The following CSE1L variants were observed in gnomAD, a reference collection of about 807,000 sequenced individuals.
The protein encoded by CSE1L is chromosome segregation 1 like, also known as exportin-2.
Under a neutral mutation model 120.4 loss-of-function variants are expected in CSE1L, and 24 were observed. The ratio of observed to expected loss-of-function variants is 0.20; its 90% confidence interval spans 0.14 to 0.28. The LOEUF (loss-of-function observed/expected upper bound fraction) is 0.28. Among genes scored for constraint, CSE1L ranks in the 10% least tolerant of loss-of-function variants. CSE1L has a pLI of 1.00. For missense variants in CSE1L, 830 were observed against 1,145.2 expected (o/e 0.72, Z 3.97); for synonymous variants, 402 against 398.3 (o/e 1.01, Z -0.11).
intron 16 of CSE1L, among the ~76,000 whole-genome samples, chr20:49,086,671 T>A (rs779338801): frequency 7.9e-5 from 12 of 152,068 alleles, no homozygotes; most frequent in Non-Finnish European, 1.5e-4. Context: ...AGCCTTAATG[T>A]CCATTTCTAT....
intron 1 of CSE1L, among the ~76,000 whole-genome samples, chr20:49,047,211 C>CT (rs890772401): frequency 6.6e-6 from 1 of 152,118 alleles, no homozygotes; most frequent in Non-Finnish European, 1.5e-5. Context: ...GTCACCTCAT[C>CT]TCACTGAGCC....
At position 49,046,344 on chromosome 20, in the gene CSE1L, G is replaced by A. The variant is rs117725610; in HGVS notation, c.-91G>A. 2,263 of 152,634 alleles carry A rather than the reference G, an allele frequency of 0.015. 22 individuals are homozygous for A. Among genetic ancestry groups the A allele is most frequent in the Middle Eastern group, 0.058 (17 of 294 alleles). 9.5% of individuals were successfully genotyped at this position (152,634 alleles called of 1,614,324 possible). Reference sequence around the variant, plus strand: ...CATTTTGCCGGGGTTTGAATGTGAGGCGGAGCGGCGGCAGGAGCGGGTAGT... The same window carrying A: ...CATTTTGCCGGGGTTTGAATGTGAGACGGAGCGGCGGCAGGAGCGGGTAGT... On this transcript the variant is annotated 5_prime_UTR_variant, in exon 1 of 25. Transcript: ENST00000262982.
chr20:49,048,105 A>G (rs1352422463), intron 1 of CSE1L, among the ~76,000 whole-genome samples: 1 of 150,100 alleles, frequency 6.7e-6, no homozygotes, highest in Non-Finnish European at 1.5e-5. Flanking sequence ...CCTTGGGCCC[A>G]CATAGTCATA....
chr20:49,095,326 TTTTA>T (rs1245609965), intron 24 of CSE1L, among the ~76,000 whole-genome samples: 6 of 151,940 alleles, frequency 3.9e-5, no homozygotes, highest in Admixed American at 6.6e-5. Context: ...TTATTTTTAT[TTTTA>T]TTTATTTATT....
At chr20:49,075,612 T>TA in intron 12 of CSE1L, 92 bp downstream of exon 12, 1 of 968,494 alleles carries the variant, frequency 1.0e-6, no homozygotes, top group African/African-American at 1.6e-5. Flanking sequence ...TAATAGAGCT[T>TA]ACTCTGCCAG....
At chr20:49,065,496 A>G (rs930622967) in intron 3 of CSE1L, among the ~76,000 whole-genome samples, 1 of 141,178 alleles carries the variant, frequency 7.1e-6, no homozygotes, top group South Asian at 2.2e-4. Flanking sequence ...CTAATTTTGT[A>G]TTTTTAGTAG....
intron 11 of CSE1L, 25 bp downstream of exon 11, chr20:49,074,875 C>A (rs370374217): frequency 1.1e-4 from 181 of 1,583,882 alleles, no homozygotes; most frequent in Non-Finnish European, 1.5e-4. Flanking sequence ...TTTTTAGTTA[C>A]TAGTCTCTTA....
chr20:49,081,461 T>C (rs2092012568), intron 14 of CSE1L, among the ~76,000 whole-genome samples: 5 of 152,214 alleles, frequency 3.3e-5, no homozygotes, highest in African/African-American at 1.2e-4. Context: ...ATTGCATTAC[T>C]TTTAAAAAAT....
At position 49,065,586 on chromosome 20, in the gene CSE1L, A is replaced by ATTTTTTTTTTTTTTTTTTTTTTT. The variant is rs1169151375; in HGVS notation, c.229-602_229-580dup. 2.6e-5 allele frequency among the ~76,000 whole-genome samples: 2 copies of ATTTTTTTTTTTTTTTTTTTTTTT among 76,322 alleles called. 1 individual carries two copies. 50.1% of individuals were successfully genotyped at this position (76,322 alleles called of 152,430 possible). On this transcript the variant is annotated intron_variant, in intron 3 of 24. Coordinates refer to ENST00000262982, the MANE Select transcript of CSE1L (RefSeq NM_001316.4). ...CCATCGCACCTGGCCTAAAATGGAA[A>ATTTTTTTTTTTTTTTTTTTTTTT]TTTTTTTTTTTTTTTTTTTTTTTTT...
At chr20:49,070,356 A>G in intron 8 of CSE1L, 59 bp downstream of exon 8, 4 of 799,728 alleles carry the variant, frequency 5.0e-6, no homozygotes, top group Non-Finnish European at 6.3e-6. Context: ...TTATTTGGCT[A>G]CAGTCTGGAA....
chr20:49,047,070 CGGGTTGGGGGA>C (rs1213082835), intron 1 of CSE1L, among the ~76,000 whole-genome samples: 1 of 152,174 alleles, frequency 6.6e-6, no homozygotes, highest in Non-Finnish European at 1.5e-5. Context: ...CCCTGTAACG[CGGGTTGGGGGA>C]GGGTTCCCTC....
chr20:49,055,633 G>A (rs1242356803), intron 1 of CSE1L, among the ~76,000 whole-genome samples: 1 of 152,018 alleles, frequency 6.6e-6, no homozygotes, highest in Admixed American at 6.6e-5. Context: ...GGGAGGTTGG[G>A]GCTTGAGCCC....
At chr20:49,071,518 C>G (rs777431571) in intron 8 of CSE1L, among the ~76,000 whole-genome samples, 5 of 152,188 alleles carry the variant, frequency 3.3e-5, no homozygotes, top group Admixed American at 3.3e-4. Flanking sequence ...TTGTCTCACT[C>G]TGTCACCAAG....
At chr20:49,075,602 T>C (rs2091963533) in intron 12 of CSE1L, 82 bp downstream of exon 12, 3 of 1,054,880 alleles carry the variant, frequency 2.8e-6, no homozygotes, top group Admixed American at 2.1e-5. Context: ...ACGTCTCTGA[T>C]AATAGAGCTT....
chr20:49,059,954 G>A (rs2091839060), intron 2 of CSE1L, among the ~76,000 whole-genome samples: 1 of 152,098 alleles, frequency 6.6e-6, no homozygotes, highest in South Asian at 2.1e-4. Context: ...GGAGGCCAAG[G>A]CAGGAAGATC....
At chr20:49,080,611 G>A (rs1160640381) in intron 14 of CSE1L, among the ~76,000 whole-genome samples, 1 of 152,090 alleles carries the variant, frequency 6.6e-6, no homozygotes, top group East Asian at 1.9e-4. Flanking sequence ...TGAGTAGCTG[G>A]GATTACAAGC....
rs751424773 is a variant in CSE1L at position 49,085,267 on chromosome 20, G to C, written c.1620-16G>C. The C allele has an allele frequency of 1.2e-6, 2 of 1,609,378 alleles. No individual in the cohort carries two copies. Among genetic ancestry groups the C allele is most frequent in the African/African-American group, 2.7e-5 (2 of 74,780 alleles). ...CAAGAGTTGGTAGTGACTGAAAGCT[G>C]TTTTTTCATCTATAGCTTTACAGCT... On this transcript the variant is annotated splice_polypyrimidine_tract_variant and intron_variant, in intron 15 of 24. Transcript: ENST00000262982.
Position 49,090,842 on chromosome 20 carries a change from G to A in CSE1L, c.2279+3G>A. ...AGTATAATAGAGCACATGCCTCCGT[G>A]AGTATGACTAGAACTTTGTGCATTT... is the stretch of plus-strand genomic sequence containing the variant. On this transcript the variant is annotated splice_donor_region_variant and intron_variant, in intron 20 of 24. Transcript: ENST00000262982. 2 of 1,612,118 alleles carry A rather than the reference G, an allele frequency of 1.2e-6. No individual in the cohort carries two copies. The highest frequency in any genetic ancestry group is 1.7e-6 in the Non-Finnish European group (2 of 1,178,712).
At position 49,091,042 on chromosome 20, in the gene CSE1L, T is replaced by C; in HGVS notation, c.2365+20T>C. 2 of 1,454,080 alleles carry C rather than the reference T, an allele frequency of 1.4e-6. No homozygotes were observed. Among genetic ancestry groups the C allele is most frequent in the Non-Finnish European group, 1.9e-6 (2 of 1,038,656 alleles). The allele number at this position is 1,454,080 out of a possible 1,614,324, so 90.1% of individuals were successfully genotyped here. A position where few individuals can be genotyped will look rare whatever the true frequency, so the allele number is the denominator to read the frequency against. Reference sequence around the variant, plus strand: ...TCAAGAGTAAGTAAAATCATCTGGATGTTCTACAGAAGTAATGAAAGAAGG... The same window carrying C: ...TCAAGAGTAAGTAAAATCATCTGGACGTTCTACAGAAGTAATGAAAGAAGG... On this transcript the variant is annotated intron_variant, in intron 21 of 24. Transcript: ENST00000262982.
Sources: gnomAD v4.1 joint callset for allele counts (sites outside exome capture counted in the v4.1 genomes callset) on GRCh38, gnomAD v4.1.1 for gene constraint, MANE v1.5 for transcripts, NCBI Gene and HGNC (gene_info 2026-07-23, HGNC 2026-07-21) for gene names.